The following FHIT variants were observed in gnomAD, a reference collection of about 807,000 sequenced individuals.
FHIT encodes bis(5'-adenosyl)-triphosphatase.
FHIT carries 19 observed loss-of-function variants against 17.9 expected under a neutral mutation model. The observed-to-expected ratio is 1.06, with a 90% CI of 0.74 to 1.56. FHIT has a LOEUF of 1.56. Among genes scored for constraint, FHIT ranks in the 40% most tolerant of loss-of-function variants. The pLI is 0.00. For missense variants in FHIT, 248 were observed against 189.2 expected (o/e 1.31, Z -1.82); for synonymous variants, 81 against 69.7 (o/e 1.16, Z -0.81).
chr3:60,131,009 G>GTA (rs1392180601), intron 5 of FHIT, among the ~76,000 whole-genome samples: 3 of 68,806 alleles, frequency 4.4e-5, no homozygotes, highest in African/African-American at 2.3e-4. Context: ...ATACATATGT[G>GTA]TATATATACA....
intron 5 of FHIT, among the ~76,000 whole-genome samples, chr3:60,036,351 T>TA (rs1701216381): frequency 6.6e-6 from 1 of 152,168 alleles, no homozygotes; most frequent in Non-Finnish European, 1.5e-5. Flanking sequence ...CATGTTATTT[T>TA]ACCTCATAAG....
Position 60,027,519 on chromosome 3 carries a change from C to T in FHIT, c.104-13367G>A, listed in dbSNP as rs1009537441. Among the ~76,000 whole-genome samples the T allele has an allele frequency of 7.2e-5, 11 of 152,012 alleles. 1 individual carries two copies. Among genetic ancestry groups the T allele is most frequent in the Admixed American group, 5.9e-4 (9 of 15,266 alleles). ...ATCATCACTTAAAAGAAAATAGAAA[C>T]TGCTTAAATAACCACAGCTAAAATA... On this transcript the variant is annotated intron_variant, in intron 5 of 9. Coordinates refer to ENST00000492590, the MANE Select transcript of FHIT (RefSeq NM_002012.4).
At chr3:60,177,987 G>A (rs1466204827) in intron 5 of FHIT, among the ~76,000 whole-genome samples, 1 of 152,212 alleles carries the variant, frequency 6.6e-6, no homozygotes, top group Non-Finnish European at 1.5e-5. Flanking sequence ...ACTCAATGCT[G>A]AGAGTCCTAG....
intron 4 of FHIT, among the ~76,000 whole-genome samples, chr3:60,557,958 G>C (rs567837390): frequency 6.6e-6 from 1 of 152,082 alleles, no homozygotes; most frequent in South Asian, 2.1e-4. Context: ...AAATGAGGAA[G>C]GACCATTGCT....
intron 5 of FHIT, among the ~76,000 whole-genome samples, chr3:60,343,153 A>G (rs987668230): frequency 2.6e-5 from 4 of 152,222 alleles, no homozygotes; most frequent in African/African-American, 9.6e-5. Flanking sequence ...AAACTACAGA[A>G]TAAGTCAACA....
At chr3:60,235,985 T>C (rs1704764009) in intron 5 of FHIT, among the ~76,000 whole-genome samples, 1 of 152,100 alleles carries the variant, frequency 6.6e-6, no homozygotes, top group Non-Finnish European at 1.5e-5. Flanking sequence ...TGTATTTTGC[T>C]TCTAGCTATC....
intron 5 of FHIT, among the ~76,000 whole-genome samples, chr3:60,450,064 G>T (rs9852328): frequency 2.7e-5 from 4 of 149,488 alleles, no homozygotes; most frequent in African/African-American, 9.9e-5. Flanking sequence ...CCTATATAGA[G>T]CACTTAACAT....
At chr3:60,502,392 A>T (rs746002960) in intron 5 of FHIT, among the ~76,000 whole-genome samples, 2 of 152,200 alleles carry the variant, frequency 1.3e-5, no homozygotes, top group Non-Finnish European at 2.9e-5. Context: ...CTTGCACGGC[A>T]CAGCATTCTC....
chr3:59,799,126 A>C (rs1699894447), intron 8 of FHIT, among the ~76,000 whole-genome samples: 1 of 152,176 alleles, frequency 6.6e-6, no homozygotes, highest in African/African-American at 2.4e-5. Context: ...ACTCAGTTTT[A>C]AACAACATCT....
intron 5 of FHIT, among the ~76,000 whole-genome samples, chr3:60,156,518 G>A (rs571473087): frequency 8.3e-4 from 127 of 152,206 alleles, no homozygotes; most frequent in South Asian, 7.7e-3. Context: ...GGAGGCCAAG[G>A]CGGAAGAATC....
intron 3 of FHIT, among the ~76,000 whole-genome samples, chr3:60,988,816 T>C (rs2029892318): frequency 6.6e-6 from 1 of 151,938 alleles, no homozygotes. Flanking sequence ...GGCTGCTCTT[T>C]ATAGAACTGA....
intron 1 of FHIT, among the ~76,000 whole-genome samples, chr3:61,219,425 G>C (rs371342341): frequency 6.6e-6 from 1 of 151,924 alleles, no homozygotes; most frequent in African/African-American, 2.4e-5. Context: ...TCTTGTTCCA[G>C]AGTATAGATA....
At chr3:60,299,310 G>A (rs751040310) in intron 5 of FHIT, among the ~76,000 whole-genome samples, 2 of 152,060 alleles carry the variant, frequency 1.3e-5, no homozygotes, top group African/African-American at 2.4e-5. Flanking sequence ...CTAACATTTT[G>A]TTAAGAAATT....
chr3:59,838,305 A>T (rs760805184), intron 8 of FHIT, among the ~76,000 whole-genome samples: 5 of 152,118 alleles, frequency 3.3e-5, no homozygotes, highest in Admixed American at 6.5e-5. Flanking sequence ...TTCTGCTACA[A>T]TGTTTCTGCC....
At chr3:60,348,398 C>T (rs1710905620) in intron 5 of FHIT, among the ~76,000 whole-genome samples, 1 of 151,526 alleles carries the variant, frequency 6.6e-6, no homozygotes. Context: ...TTTTTTTTAA[C>T]CAAGATCATA....
intron 5 of FHIT, among the ~76,000 whole-genome samples, chr3:60,288,621 G>T (rs968044758): frequency 6.6e-6 from 1 of 151,756 alleles, no homozygotes; most frequent in Admixed American, 6.6e-5. Context: ...GGGTGTGGGT[G>T]TGTGCACGCA....
At chr3:60,462,972 G>T (rs1326980836) in intron 5 of FHIT, among the ~76,000 whole-genome samples, 2 of 152,298 alleles carry the variant, frequency 1.3e-5, no homozygotes, top group East Asian at 3.9e-4. Context: ...CCACCTCTGT[G>T]CTGTGCCACA....
At chr3:60,189,667 G>A (rs1436112986) in intron 5 of FHIT, among the ~76,000 whole-genome samples, 6 of 152,164 alleles carry the variant, frequency 3.9e-5, no homozygotes, top group African/African-American at 1.4e-4. Flanking sequence ...ACTAGAATTT[G>A]GTCGGCATTG....
chr3:59,848,050 G>C (rs1380774096), intron 8 of FHIT, among the ~76,000 whole-genome samples: 1 of 152,156 alleles, frequency 6.6e-6, no homozygotes, highest in Non-Finnish European at 1.5e-5. Flanking sequence ...GTACCTCTGT[G>C]ATTGAAAACG....
Sources: allele counts gnomAD v4.1 joint callset (sites outside exome capture counted in the v4.1 genomes callset), GRCh38; gene constraint gnomAD v4.1.1; transcripts MANE v1.5; gene names NCBI Gene and HGNC (gene_info 2026-07-23, HGNC 2026-07-21).